Variants in MUC6 observed in about 807,000 individuals in gnomAD.
MUC6 encodes the protein mucin-6.
MUC6 carries 188 observed loss-of-function variants against 201.5 expected under a neutral mutation model. That is an observed-to-expected ratio of 0.93 (90% CI 0.83 to 1.05). The LOEUF (loss-of-function observed/expected upper bound fraction) is 1.05. Among genes scored for constraint, MUC6 ranks in the 50% least tolerant of loss-of-function variants. The pLI is 0.00. For synonymous variants in MUC6, 1,228 were observed against 1,389.4 expected, an observed-to-expected ratio of 0.88 and a Z score of 2.58; for missense variants, 2,706 against 3,256.9, an observed-to-expected ratio of 0.83 and a Z score of 4.12.
Position 1,032,028 on chromosome 11 carries a change from C to T in MUC6, c.141G>A (p.Thr47=), listed in dbSNP as rs369660838. Residue 47 remains threonine (T), a synonymous_variant, in exon 3 of 33, where the codon ACG becomes ACA. Coordinates refer to ENST00000421673, the MANE Select transcript of MUC6 (RefSeq NM_005961.3). ...AGGTGGAGAAGTGACCAGCCCCCCACGTGGAGCACTGGCCTTTGTCCGGGG... is the reference window on the plus strand; with the variant it reads ...AGGTGGAGAAGTGACCAGCCCCCCATGTGGAGCACTGGCCTTTGTCCGGGG... ...QTAPDKGQCS[T]WGAGHFSTFD... 7.7e-5 allele frequency: 124 copies of T among 1,613,382 alleles called. No homozygotes were observed. Among genetic ancestry groups the T allele is most frequent in the East Asian group, 6.7e-4 (30 of 44,878 alleles).
At position 1,025,760 on chromosome 11, in the gene MUC6, C is replaced by T. The variant is rs762807952; in HGVS notation, c.2799+45G>A. 5 of 1,528,826 alleles carry T rather than the reference C, an allele frequency of 3.3e-6. No homozygotes were observed. In the African/African-American group the frequency reaches 4.1e-5, roughly 13 times the overall value. The allele number at this position is 1,528,826 out of a possible 1,614,324, so 94.7% of individuals were successfully genotyped here. On this transcript the variant is annotated intron_variant, in intron 22 of 32. Coordinates refer to ENST00000421673, the MANE Select transcript of MUC6 (RefSeq NM_005961.3). The stretch of plus-strand genomic sequence containing the variant: ...CGGGATCCAGCTGTGTGGCAGGGCC[C>T]CCTACCGCCCGTCCTGCCCTGCCAG...
chr11:1,023,870 A>G, intron 25 of MUC6, 77 bp downstream of exon 25: 2 of 1,534,374 alleles, frequency 1.3e-6, no homozygotes, highest in Non-Finnish European at 1.8e-6. Flanking sequence ...CCTGTGGGCA[A>G]GGGCAGCCCT....
chr11:1,021,987 C>G (rs2133823102), intron 26 of MUC6, among the ~76,000 whole-genome samples: 1 of 151,874 alleles, frequency 6.6e-6, no homozygotes, highest in South Asian at 2.1e-4. Context: ...AGACCCCTCC[C>G]TCCCGGCCAC....
At chr11:1,032,991 T>G in intron 2 of MUC6, 22 bp downstream of exon 2, 1 of 1,568,460 alleles carries the variant, frequency 6.4e-7, no homozygotes, top group Non-Finnish European at 8.7e-7. Context: ...GGCGGCAGGA[T>G]CAGTGGCCGC....
intron 16 of MUC6, 64 bp from the exon 17 acceptor site, chr11:1,027,581 C>T (rs1006692708): frequency 1.8e-5 from 28 of 1,599,620 alleles, no homozygotes; most frequent in African/African-American, 4.0e-5. Flanking sequence ...TCTCGGGTTC[C>T]CCTGCCTGCC....
intron 7 of MUC6, 31 bp from the exon 8 acceptor site, chr11:1,030,366 T>TGGCCCCCCCC: frequency 6.7e-7 from 1 of 1,489,582 alleles, no homozygotes; most frequent in Non-Finnish European, 9.1e-7. Flanking sequence ...GGTGAGAGGG[T>TGGCCCCCCCC]CCCACCCCCC....
At position 1,029,526 on chromosome 11, in the gene MUC6, C is replaced by T. The variant is rs1228582644; in HGVS notation, c.1105G>A (p.Gly369Arg). Residue 369 changes from glycine to arginine, a missense_variant, in exon 9 of 33, where the codon GGG (glycine) becomes AGG (arginine). Gly to Arg is a moderately radical substitution (Grantham distance 125). Transcript: ENST00000421673. ...CVLHGAMYAP[G>R]EVTIAACQTC... ...TGGCAGGCAGCTATTGTGACCTCCCCGGGGGCATACATGGCGCCGTGGAGC... is the reference window on the plus strand; with the variant it reads ...TGGCAGGCAGCTATTGTGACCTCCCTGGGGGCATACATGGCGCCGTGGAGC... The T allele has an allele frequency of 5.0e-6, 8 of 1,612,354 alleles. No individual in the cohort carries two copies. The highest frequency in any genetic ancestry group is 2.2e-5 in the East Asian group (1 of 44,876).
In MUC6 at chr11:1,024,998, T is replaced by C; in HGVS notation, c.3071A>G (p.Glu1024Gly). Residue 1024 changes from glutamate (E) to glycine (G), a missense_variant, in exon 24 of 33, where the codon GAG (glutamate) becomes GGG (glycine). Glu to Gly is a moderately conservative substitution (Grantham distance 98). This residue lies in a region of MUC6 where 1,850 missense variants were observed against 1,958.3 expected (regional missense o/e 0.94). Transcript: ENST00000421673. ...ETRSRYVASS[E>G]LELVNSWKES... is the part of the protein sequence containing the mutation. ...CTTCCACGAGTTCACCAACTCCAGC[T>C]CGCTGGATGCCACGTACCTGCTGCG... is the stretch of plus-strand genomic sequence containing the variant. The C allele has an allele frequency of 6.2e-7, 1 of 1,613,152 alleles. No homozygotes were observed.
chr11:1,028,217 G>C lies in MUC6; in HGVS notation c.1753+9C>G. ...GGGCAGCCAGGGGAGTGGGGGGCCGGACACTCACTGTTGAGCTGGCTCATG... is the reference window on the plus strand; with the variant it reads ...GGGCAGCCAGGGGAGTGGGGGGCCGCACACTCACTGTTGAGCTGGCTCATG... On this transcript the variant is annotated intron_variant, in intron 14 of 32. Coordinates refer to ENST00000421673, the MANE Select transcript of MUC6 (RefSeq NM_005961.3). The C allele has an allele frequency of 6.4e-7, 1 of 1,561,576 alleles. No individual in the cohort carries two copies. Among genetic ancestry groups the C allele is most frequent in the Non-Finnish European group, 8.7e-7 (1 of 1,152,938 alleles).
Position 1,018,722 on chromosome 11 carries a change from G to A in MUC6, c.4079C>T (p.Thr1360Ile). 6.3e-7 allele frequency: 1 copy of A among 1,588,390 alleles called. No individual in the cohort carries two copies. Among genetic ancestry groups the A allele is most frequent in the Non-Finnish European group, 8.6e-7 (1 of 1,169,420 alleles). Residue 1360 changes from threonine (T) to isoleucine (I), a missense_variant, in exon 31 of 33, where the codon ACA becomes ATA. By Grantham distance (89) the Thr-to-Ile change is moderately conservative. Coordinates refer to ENST00000421673, the MANE Select transcript of MUC6 (RefSeq NM_005961.3). ...GCTTGCTGGGGTTGGACGTGGGCCT[G>A]TCGTCTGGGTGGCCGTTGTTCCTGG... ...ELPGTTATQTTGPRPTPASTT... is the reference protein window; with the variant it reads ...ELPGTTATQTIGPRPTPASTT...
At chr11:1,019,622 G>A (rs2133820776) in intron 29 of MUC6, 126 bp from the exon 30 acceptor site, 1 of 849,828 alleles carries the variant, frequency 1.2e-6, no homozygotes, top group Non-Finnish European at 1.9e-6. Flanking sequence ...CTCCTTGGAG[G>A]GGCTCTTCCT....
intron 31 of MUC6, among the ~76,000 whole-genome samples, chr11:1,015,492 A>G (rs1004840300): frequency 5.9e-5 from 9 of 152,004 alleles, no homozygotes; most frequent in African/African-American, 2.2e-4. Context: ...GTGACCGGGC[A>G]TGAGTGAGCC....
At chr11:1,014,046 A>G (rs1856544606) in intron 31 of MUC6, 45 bp from the exon 32 acceptor site, 2 of 1,521,180 alleles carry the variant, frequency 1.3e-6, no homozygotes, top group South Asian at 1.2e-5. Flanking sequence ...GTGGGCATGG[A>G]GCGAGGAGGG....
chr11:1,032,685 GTT>G (rs1278247842), intron 2 of MUC6, among the ~76,000 whole-genome samples: 2 of 150,440 alleles, frequency 1.3e-5, no homozygotes, highest in Admixed American at 6.6e-5. Context: ...GTGTGCATGT[GTT>G]TGTCAGGTGT....
rs202188897 is a variant in MUC6 at position 1,021,245 on chromosome 11, C to T, written c.3559G>A (p.Asp1187Asn). 7.4e-4 allele frequency: 1,180 copies of T among 1,589,190 alleles called. 11 individuals are homozygous for T. In the South Asian group the frequency reaches 7.9e-3, roughly 11 times the overall value. ...GGCACGCACACCCCCTCCTCGTGGT[C>T]GAAGTACTCATCCTGGGAGCAGTTG... ...CYNCSQDEYF[D>N]HEEGVCVPCM... The change falls in exon 27 of 33, where the codon GAC (aspartate) becomes AAC (asparagine). Residue 1187 changes from aspartate (D) to asparagine (N), a missense_variant. This residue lies in a region of MUC6 where 1,850 missense variants were observed against 1,958.3 expected (regional missense o/e 0.94). Transcript: ENST00000421673.
chr11:1,032,319 G>A (rs1304556871), intron 2 of MUC6, among the ~76,000 whole-genome samples: 1 of 152,204 alleles, frequency 6.6e-6, no homozygotes, highest in African/African-American at 2.4e-5. Context: ...GTATGTGCGT[G>A]TCTCGGGTGT....
chr11:1,021,368 CTTTTTTTTT>C (rs541461716), intron 26 of MUC6, 91 bp from the exon 27 acceptor site: 43,184 of 449,064 alleles, frequency 0.096, 1,182 homozygotes, highest in Middle Eastern at 0.17. Context: ...TTCCTCTCTG[CTTTTTTTTT>C]TTTTTTTTTT....
intron 1 of MUC6, among the ~76,000 whole-genome samples, chr11:1,034,406 C>T (rs1857172507): frequency 6.6e-6 from 1 of 152,212 alleles, no homozygotes; most frequent in Admixed American, 6.5e-5. Flanking sequence ...TCACTCATCC[C>T]CCTCCTGGGG....
Position 1,026,990 on chromosome 11 carries a change from C to A in MUC6, c.2345G>T (p.Gly782Val). The change falls in exon 19 of 33, where the codon GGG becomes GTG. Residue 782 changes from glycine (G) to valine (V), a missense_variant. Around this residue, in one of 10 missense-constraint regions of MUC6, gnomAD observed 1,850 missense variants for 1,958.3 expected, o/e 0.94. Transcript: ENST00000421673. ...CTGGCATGTGGGGGCACAGGCTGCC[C>A]CAAACTTGTTCTCGGAGGACTGGCT... ...SCSQSSENKF[G>V]AACAPTCQML... 1.2e-6 allele frequency: 2 copies of A among 1,602,146 alleles called. No individual in the cohort carries two copies. Among genetic ancestry groups the A allele is most frequent in the Non-Finnish European group, 1.7e-6 (2 of 1,175,138 alleles).
Sources: gnomAD v4.1 joint callset for allele counts (sites outside exome capture counted in the v4.1 genomes callset) on GRCh38, gnomAD v4.1.1 for gene constraint, gnomAD v4.1.1 regional missense constraint, MANE v1.5 for transcripts, NCBI Gene and HGNC (gene_info 2026-07-23, HGNC 2026-07-21) for gene names.